Variants in BANK1 observed in about 807,000 individuals in gnomAD.
BANK1 encodes B-cell scaffold protein with ankyrin repeats.
BANK1 carries 95 observed loss-of-function variants against 94.5 expected under a neutral mutation model. The observed-to-expected ratio is 1.00, with a 90% CI of 0.85 to 1.19. The LOEUF is 1.19. Ranked by LOEUF, BANK1 falls within the 50% of genes most tolerant of loss-of-function variation. The pLI is 0.00. For synonymous variants in BANK1, 334 were observed against 308.4 expected, an observed-to-expected ratio of 1.08 and a Z score of -0.87; for missense variants, 987 against 932.2, an observed-to-expected ratio of 1.06 and a Z score of -0.77.
intron 1 of BANK1, among the ~76,000 whole-genome samples, chr4:101,816,209 A>G (rs1176574397): frequency 5.3e-5 from 8 of 152,198 alleles, no homozygotes. Context: ...GCAAAGGAAA[A>G]CTGAGAAACA....
At chr4:101,891,595 C>G (rs971645262) in intron 5 of BANK1, among the ~76,000 whole-genome samples, 2 of 152,016 alleles carry the variant, frequency 1.3e-5, no homozygotes, top group African/African-American at 4.8e-5. Flanking sequence ...TGTTTCTCAT[C>G]TCTTCCTGGG....
At chr4:102,008,772 A>G (rs1239940498) in intron 7 of BANK1, among the ~76,000 whole-genome samples, 1 of 152,176 alleles carries the variant, frequency 6.6e-6, no homozygotes, top group Admixed American at 6.5e-5. Context: ...GGGTTATAAC[A>G]TATCTCCATT....
At chr4:101,794,835 A>G (rs1449335639) in intron 1 of BANK1, among the ~76,000 whole-genome samples, 1 of 28,182 alleles carries the variant, frequency 3.5e-5, no homozygotes, top group Non-Finnish European at 7.4e-5. Flanking sequence ...TAATTAATCA[A>G]TGCTTTTGAT....
intron 11 of BANK1, among the ~76,000 whole-genome samples, chr4:102,057,051 A>G (rs562123719): frequency 6.6e-6 from 1 of 152,176 alleles, no homozygotes; most frequent in Admixed American, 6.5e-5. Context: ...AACAAATCTC[A>G]AAGAATATAT....
At chr4:101,886,078 T>C (rs1728844851) in intron 5 of BANK1, among the ~76,000 whole-genome samples, 1 of 152,236 alleles carries the variant, frequency 6.6e-6, no homozygotes, top group Non-Finnish European at 1.5e-5. Context: ...AGGTCTGTCA[T>C]TGACCAAAAT....
At chr4:101,842,048 C>G (rs1727068528) in intron 2 of BANK1, among the ~76,000 whole-genome samples, 1 of 151,938 alleles carries the variant, frequency 6.6e-6, no homozygotes, top group Non-Finnish European at 1.5e-5. Flanking sequence ...TTTAAAAAAC[C>G]TTTCTTATAA....
At chr4:101,799,731 G>A (rs1229593306) in intron 1 of BANK1, among the ~76,000 whole-genome samples, 3 of 151,992 alleles carry the variant, frequency 2.0e-5, no homozygotes, top group South Asian at 2.1e-4. Flanking sequence ...AAAATTAGCC[G>A]GGCGTGCTGG....
chr4:101,815,651 A>G (rs906233108), intron 1 of BANK1, among the ~76,000 whole-genome samples: 3 of 152,132 alleles, frequency 2.0e-5, no homozygotes, highest in African/African-American at 4.8e-5. Flanking sequence ...TAGGTTTACA[A>G]AAGATATTTA....
chr4:101,953,493 A>C (rs1303136946), intron 7 of BANK1, among the ~76,000 whole-genome samples: 1 of 152,108 alleles, frequency 6.6e-6, no homozygotes, highest in Non-Finnish European at 1.5e-5. Context: ...GAAATTTTGC[A>C]GCAGACTTGC....
intron 7 of BANK1, among the ~76,000 whole-genome samples, chr4:102,006,850 CAT>C (rs1726276785): frequency 6.6e-6 from 1 of 150,458 alleles, no homozygotes; most frequent in African/African-American, 2.4e-5. Flanking sequence ...AAAAGTATAA[CAT>C]AGGGGTAACT....
intron 11 of BANK1, among the ~76,000 whole-genome samples, chr4:102,059,354 A>G (rs1012972045): frequency 1.3e-5 from 2 of 152,340 alleles, no homozygotes; most frequent in East Asian, 3.9e-4. Context: ...TACAAAAAGT[A>G]TGTTGCACTT....
At chr4:102,041,890 CAT>C (rs1264800247) in intron 10 of BANK1, among the ~76,000 whole-genome samples, 1 of 151,994 alleles carries the variant, frequency 6.6e-6, no homozygotes, top group African/African-American at 2.4e-5. Flanking sequence ...ATTCCAGTAA[CAT>C]ATAAGGTGTA....
At chr4:101,968,498 T>C (rs1473755007) in intron 7 of BANK1, among the ~76,000 whole-genome samples, 1 of 151,990 alleles carries the variant, frequency 6.6e-6, no homozygotes, top group African/African-American at 2.4e-5. Flanking sequence ...CAGAAAACTT[T>C]TTTTTTTCTA....
At chr4:101,952,826 G>T (rs187196760) in intron 7 of BANK1, among the ~76,000 whole-genome samples, 1 of 152,204 alleles carries the variant, frequency 6.6e-6, no homozygotes, top group East Asian at 1.9e-4. Flanking sequence ...TTGAGTCTGC[G>T]CCCTTACCAC....
At chr4:102,042,467 AGC>A (rs1399389570) in intron 10 of BANK1, among the ~76,000 whole-genome samples, 2 of 152,054 alleles carry the variant, frequency 1.3e-5, no homozygotes, top group Non-Finnish European at 2.9e-5. Flanking sequence ...TGTTTAAAAG[AGC>A]ACAGTTGAAG....
intron 4 of BANK1, among the ~76,000 whole-genome samples, chr4:101,869,945 A>G (rs1396944179): frequency 6.6e-6 from 1 of 151,978 alleles, no homozygotes; most frequent in Non-Finnish European, 1.5e-5. Flanking sequence ...ACTTGTTCTC[A>G]AAAAGGCTTT....
Position 101,790,948 on chromosome 4 carries a change from C to T in BANK1, c.68C>T (p.Pro23Leu). The change falls in exon 1 of 17, where the codon CCA (proline) becomes CTA (leucine). Residue 23 changes from proline (P) to leucine (L), a missense_variant and splice_region_variant. By Grantham distance (98) the Pro-to-Leu change is moderately conservative. Coordinates refer to ENST00000322953, the MANE Select transcript of BANK1 (RefSeq NM_017935.5). The stretch of plus-strand genomic sequence containing the variant: ...CCCGCCCCCTGCGGCCCAGCGCCCC[C>T]AGGTGGGTAGTCGCGCATTCGGAGG... ...PDPAPCGPAP[P>L]GNTKDIIMIY... The T allele has an allele frequency of 1.3e-6, 2 of 1,515,846 alleles. No individual in the cohort carries two copies. The highest frequency in any genetic ancestry group is 1.2e-5 in the South Asian group (1 of 80,732). 93.9% of individuals were successfully genotyped at this position (1,515,846 alleles called of 1,614,324 possible).
chr4:101,946,677 C>A (rs764560397), intron 7 of BANK1, among the ~76,000 whole-genome samples: 72 of 151,982 alleles, frequency 4.7e-4, no homozygotes, highest in South Asian at 1.5e-3. Context: ...CATATCTGGT[C>A]ATTAAAACAT....
rs1560668408 is a variant in BANK1 at position 101,986,881 on chromosome 4, G to GTATA, written c.1207-34632_1207-34631insATAT. Among the ~76,000 whole-genome samples, 62 of 54,934 alleles carry GTATA rather than the reference G, an allele frequency of 1.1e-3. 1 individual carries two copies. Among genetic ancestry groups the GTATA allele is most frequent in the African/African-American group, 5.0e-3 (57 of 11,360 alleles). The allele number at this position is 54,934 out of a possible 152,430, so 36.0% of individuals were successfully genotyped here. A position where few individuals can be genotyped will look rare whatever the true frequency, so the allele number is the denominator to read the frequency against. On this transcript the variant is annotated intron_variant, in intron 7 of 16. Transcript: ENST00000322953. ...TATATATATATGTGTGTATGTGTGT[G>GTATA]TGTGTGTGTGTGTGTGTGTATATAT...
Sources: allele counts gnomAD v4.1 joint callset (sites outside exome capture counted in the v4.1 genomes callset), GRCh38; gene constraint gnomAD v4.1.1; transcripts MANE v1.5; gene names NCBI Gene and HGNC (gene_info 2026-07-23, HGNC 2026-07-21).